Variants in PKHD1 observed in about 807,000 individuals in gnomAD.
PKHD1 encodes fibrocystin.
PKHD1 carries 291 observed loss-of-function variants against 412.0 expected under a neutral mutation model. The observed-to-expected ratio is 0.71, with a 90% CI of 0.64 to 0.78. The LOEUF (loss-of-function observed/expected upper bound fraction) is 0.78. PKHD1 is among the 30% of genes least tolerant of loss of function. The probability of loss-of-function intolerance (pLI) is 0.00; values close to 1 mark genes in which losing one functional copy is unlikely to be tolerated. For synonymous variants in PKHD1, 1,777 were observed against 1,821.5 expected (o/e 0.98, Z 0.62); for missense variants, 4,825 against 4,950.7 (o/e 0.97, Z 0.76).
intron 33 of PKHD1, 116 bp downstream of exon 33, chr6:52,022,685 G>T: frequency 9.9e-7 from 1 of 1,014,500 alleles, no homozygotes; most frequent in Non-Finnish European, 1.5e-6. Context: ...CTTTTCCTAG[G>T]CACACATAGA....
intron 35 of PKHD1, among the ~76,000 whole-genome samples, chr6:51,995,373 G>A (rs1475982258): frequency 6.6e-6 from 1 of 152,218 alleles, no homozygotes; most frequent in African/African-American, 2.4e-5. Context: ...TCCTTAGTTT[G>A]GCACTCAAGA....
At chr6:51,780,599 T>C (rs931498154) in intron 53 of PKHD1, among the ~76,000 whole-genome samples, 1 of 152,048 alleles carries the variant, frequency 6.6e-6, no homozygotes, top group African/African-American at 2.4e-5. Context: ...CATTCTACTA[T>C]GCTCAATCAT....
chr6:51,725,546 A>C (rs1044398357), intron 60 of PKHD1, among the ~76,000 whole-genome samples: 2 of 152,196 alleles, frequency 1.3e-5, no homozygotes, highest in Non-Finnish European at 2.9e-5. Flanking sequence ...TGGGAGCAAG[A>C]AAGTCCAAGA....
intron 35 of PKHD1, among the ~76,000 whole-genome samples, chr6:51,964,464 CCTT>C (rs1792516904): frequency 6.6e-6 from 1 of 152,224 alleles, no homozygotes; most frequent in Admixed American, 6.5e-5. Context: ...CACTCCGTAT[CCTT>C]CTTTATTTTC....
chr6:51,720,974 T>C (rs1781856513), intron 60 of PKHD1: 1 of 983,740 alleles, frequency 1.0e-6, no homozygotes, highest in African/African-American at 1.7e-5. Context: ...GGAAAAGATC[T>C]GGCAGCAAAG....
intron 34 of PKHD1, among the ~76,000 whole-genome samples, chr6:52,012,061 G>A (rs1799900843): frequency 6.6e-6 from 1 of 152,214 alleles, no homozygotes; most frequent in South Asian, 2.1e-4. Context: ...AGGAGCACTG[G>A]CATGTAAAGC....
At chr6:51,955,170 T>C (rs1419228828) in intron 36 of PKHD1, among the ~76,000 whole-genome samples, 3 of 151,776 alleles carry the variant, frequency 2.0e-5, no homozygotes, top group Non-Finnish European at 4.4e-5. Flanking sequence ...TAATTCTCTT[T>C]TGTGTTTAAC....
At chr6:51,713,095 A>G (rs1195960978) in intron 60 of PKHD1, among the ~76,000 whole-genome samples, 1 of 152,212 alleles carries the variant, frequency 6.6e-6, no homozygotes, top group Non-Finnish European at 1.5e-5. Flanking sequence ...TTATTAATAT[A>G]TCATTAATAA....
At chr6:51,960,363 C>T (rs1791825601) in intron 35 of PKHD1, among the ~76,000 whole-genome samples, 1 of 151,828 alleles carries the variant, frequency 6.6e-6, no homozygotes, top group South Asian at 2.1e-4. Flanking sequence ...TTTTTTTTCC[C>T]CTCTAGCACA....
intron 2 of PKHD1, among the ~76,000 whole-genome samples, chr6:52,084,046 T>C (rs890697233): frequency 2.0e-5 from 3 of 152,126 alleles, no homozygotes; most frequent in African/African-American, 4.8e-5. Flanking sequence ...CAGCTAAGCA[T>C]GGGCCTTAAT....
At chr6:51,673,807 A>G (rs543210956) in intron 60 of PKHD1, among the ~76,000 whole-genome samples, 1 of 152,208 alleles carries the variant, frequency 6.6e-6, no homozygotes, top group Non-Finnish European at 1.5e-5. Flanking sequence ...AGAGGCTTTA[A>G]AAAGAGTGGA....
At chr6:51,934,659 A>G (rs1387932576) in intron 36 of PKHD1, among the ~76,000 whole-genome samples, 2 of 151,784 alleles carry the variant, frequency 1.3e-5, no homozygotes, top group African/African-American at 4.9e-5. Flanking sequence ...ATTAAGAAAA[A>G]AAAAAACTGG....
chr6:51,854,094 A>T (rs1772833943), intron 49 of PKHD1, among the ~76,000 whole-genome samples: 1 of 152,004 alleles, frequency 6.6e-6, no homozygotes, highest in South Asian at 2.1e-4. Context: ...ACCCTTGGAT[A>T]GGATTTTTGT....
intron 60 of PKHD1, among the ~76,000 whole-genome samples, chr6:51,667,977 C>G (rs769656659): frequency 2.0e-5 from 3 of 152,210 alleles, no homozygotes; most frequent in Middle Eastern, 3.4e-3. Flanking sequence ...AGTCAGGTCG[C>G]GTGATGCCTC....
rs77860992 is a variant in PKHD1 at position 51,845,127 on chromosome 6, G to A, written c.8107+2648C>T. On this transcript the variant is annotated intron_variant, in intron 50 of 66. Transcript: ENST00000371117. ...AACTCTACTTCTTGGGCTCTTGCTC[G>A]GGTACCAACAACAGCAACTACCATT... 5.6e-4 allele frequency among the ~76,000 whole-genome samples: 85 copies of A among 152,284 alleles called. 2 individuals carry two copies. In the East Asian group the frequency reaches 0.015, roughly 26 times the overall value.
chr6:51,836,030 T>A (rs1229258803), intron 51 of PKHD1, among the ~76,000 whole-genome samples: 1 of 152,184 alleles, frequency 6.6e-6, no homozygotes, highest in African/African-American at 2.4e-5. Flanking sequence ...TACCCTGATT[T>A]CCTGAAATTA....
intron 46 of PKHD1, among the ~76,000 whole-genome samples, chr6:51,879,088 C>A (rs1182635617): frequency 1.2e-5 from 1 of 85,018 alleles, no homozygotes; most frequent in Non-Finnish European, 2.1e-5. Flanking sequence ...AGGAGAACTA[C>A]AAACCACTGC....
intron 46 of PKHD1, among the ~76,000 whole-genome samples, chr6:51,881,175 G>C (rs1777282093): frequency 1.4e-5 from 2 of 144,914 alleles, no homozygotes; most frequent in Non-Finnish European, 3.0e-5. Context: ...AAGATTAATA[G>C]ATTTTTTTTT....
chr6:51,718,115 C>T (rs1290099657), intron 60 of PKHD1, among the ~76,000 whole-genome samples: 1 of 152,224 alleles, frequency 6.6e-6, no homozygotes, highest in Non-Finnish European at 1.5e-5. Context: ...CAAGACAAAA[C>T]AATTTTTTAA....
Sources: gnomAD v4.1 joint callset for allele counts (sites outside exome capture counted in the v4.1 genomes callset) on GRCh38, gnomAD v4.1.1 for gene constraint, MANE v1.5 for transcripts, NCBI Gene and HGNC (gene_info 2026-07-23, HGNC 2026-07-21) for gene names.